ATG10: variants seen among roughly 807,000 people sequenced by gnomAD.
ATG10 encodes autophagy related 10.
ATG10 carries 30 observed loss-of-function variants against 32.1 expected under a neutral mutation model. The ratio of observed to expected loss-of-function variants is 0.94; its 90% CI spans 0.70 to 1.27. The LOEUF (loss-of-function observed/expected upper bound fraction) is 1.27, where lower values mean the gene tolerates loss of function less well. ATG10 is among the 50% of genes most tolerant of loss of function. The pLI is 0.00. For synonymous variants in ATG10, 87 were observed against 91.5 expected (o/e 0.95, Z 0.28); for missense variants, 233 against 262.3 (o/e 0.89, Z 0.77).
At position 82,050,503 on chromosome 5, in the gene ATG10, C is replaced by G. The variant is rs987970421; in HGVS notation, c.109-7992C>G. ...TATTCAGTAACTATAATTTAGTCCT[C>G]TGTGCTTTGTTTATAGGTTGATTCG... On this transcript the variant is annotated intron_variant, in intron 2 of 7. Coordinates refer to ENST00000282185, the MANE Select transcript of ATG10 (RefSeq NM_031482.5). 2.6e-5 allele frequency among the ~76,000 whole-genome samples: 4 copies of G among 151,924 alleles called. No individual in the cohort carries two copies. In the East Asian group the frequency reaches 7.7e-4, roughly 29 times the overall value.
chr5:82,010,141 T>C (rs1762090597), intron 2 of ATG10: 1 of 1,409,310 alleles, frequency 7.1e-7, no homozygotes, highest in Non-Finnish European at 1.0e-6. Flanking sequence ...GCAAAGCCGC[T>C]TTCTTATATT....
At chr5:81,973,369 C>A (rs893397759) in intron 1 of ATG10, 35 of 152,168 alleles carry the variant, frequency 2.3e-4, no homozygotes, top group African/African-American at 8.2e-4. Context: ...ATTTTGTGAT[C>A]CGCCTGCCTC....
chr5:82,125,142 T>C (rs971602659), intron 3 of ATG10, among the ~76,000 whole-genome samples: 16 of 152,234 alleles, frequency 1.1e-4, no homozygotes, highest in Non-Finnish European at 2.4e-4. Context: ...GGATTGTTTT[T>C]TTCTTGTAAA....
intron 3 of ATG10, among the ~76,000 whole-genome samples, chr5:82,120,658 T>C (rs1028137904): frequency 2.0e-5 from 3 of 147,072 alleles, no homozygotes; most frequent in Non-Finnish European, 4.4e-5. Context: ...TACTTTTTTC[T>C]GTTTTTTTTT....
chr5:82,242,690 C>A, intron 5 of ATG10: 3 of 329,358 alleles, frequency 9.1e-6, no homozygotes, highest in Non-Finnish European at 1.8e-5. Context: ...AATCCAAGTG[C>A]TAAAAAAAAT....
At chr5:82,027,364 A>C (rs1380044902) in intron 2 of ATG10, among the ~76,000 whole-genome samples, 3 of 152,138 alleles carry the variant, frequency 2.0e-5, no homozygotes, top group East Asian at 3.8e-4. Flanking sequence ...GCGCCGCTGC[A>C]CTCTAGCTGG....
chr5:81,994,368 A>T (rs1761599912), intron 2 of ATG10, among the ~76,000 whole-genome samples: 1 of 152,224 alleles, frequency 6.6e-6, no homozygotes, highest in Admixed American at 6.5e-5. Context: ...TTGAAGAATA[A>T]GTAAGTAAAC....
At chr5:82,009,991 T>A (rs1192667513) in intron 2 of ATG10, 1 of 1,611,224 alleles carries the variant, frequency 6.2e-7, no homozygotes, top group African/African-American at 1.3e-5. Context: ...GCATGAAAAT[T>A]TTCTGCTGTC....
chr5:82,100,154 G>T (rs1316187633), intron 3 of ATG10, among the ~76,000 whole-genome samples: 1 of 151,392 alleles, frequency 6.6e-6, no homozygotes, highest in African/African-American at 2.4e-5. Context: ...GATTACAGGT[G>T]CCTGCCACCA....
At chr5:82,072,473 G>T (rs756908375) in intron 3 of ATG10, among the ~76,000 whole-genome samples, 2 of 152,034 alleles carry the variant, frequency 1.3e-5, no homozygotes, top group Non-Finnish European at 2.9e-5. Context: ...ACTTTCCCAG[G>T]GGATGATTTT....
At chr5:82,110,413 C>T (rs1765580658) in intron 3 of ATG10, among the ~76,000 whole-genome samples, 1 of 152,184 alleles carries the variant, frequency 6.6e-6, no homozygotes, top group African/African-American at 2.4e-5. Context: ...TACAGTCCCA[C>T]CACCAGTGTA....
At chr5:82,139,948 A>C (rs1561321175) in intron 3 of ATG10, among the ~76,000 whole-genome samples, 1 of 122,298 alleles carries the variant, frequency 8.2e-6, no homozygotes, top group Non-Finnish European at 1.8e-5. Context: ...TGGGGGGGTC[A>C]GCCCTCCGCC....
At chr5:82,139,604 G>A (rs1472980885) in intron 3 of ATG10, among the ~76,000 whole-genome samples, 12 of 140,968 alleles carry the variant, frequency 8.5e-5, no homozygotes, top group African/African-American at 1.3e-4. Context: ...CTCTCCGCCC[G>A]GCAGCCACCC....
intron 2 of ATG10, among the ~76,000 whole-genome samples, chr5:82,004,602 GT>G (rs1761938908): frequency 6.6e-6 from 1 of 152,140 alleles, no homozygotes. Context: ...TTTTGTTTTT[GT>G]TGTTTGTTTG....
intron 3 of ATG10, among the ~76,000 whole-genome samples, chr5:82,082,115 A>T (rs955305300): frequency 1.3e-5 from 2 of 152,036 alleles, no homozygotes; most frequent in Non-Finnish European, 2.9e-5. Context: ...CCCATGACAC[A>T]TGGGAATTGT....
At chr5:82,021,334 C>T (rs1007612535) in intron 2 of ATG10, among the ~76,000 whole-genome samples, 1 of 152,118 alleles carries the variant, frequency 6.6e-6, no homozygotes, top group Non-Finnish European at 1.5e-5. Context: ...AGTCATCCCT[C>T]AGTATCCCTG....
At chr5:82,188,907 C>T (rs1310458086) in intron 5 of ATG10, among the ~76,000 whole-genome samples, 1 of 152,080 alleles carries the variant, frequency 6.6e-6, no homozygotes, top group Non-Finnish European at 1.5e-5. Flanking sequence ...AACTTCTCTT[C>T]TCACTTGTCA....
chr5:82,202,942 T>TG (rs1745126505), intron 5 of ATG10, among the ~76,000 whole-genome samples: 1 of 151,956 alleles, frequency 6.6e-6, no homozygotes, highest in African/African-American at 2.4e-5. Context: ...AAAGAAGTAA[T>TG]GGGGGGCTGG....
intron 3 of ATG10, among the ~76,000 whole-genome samples, chr5:82,071,048 T>G (rs1435250752): frequency 6.6e-6 from 1 of 152,156 alleles, no homozygotes. Flanking sequence ...ATATTTTTTA[T>G]TCCCCCCTTT....
Sources: gnomAD v4.1 joint callset for allele counts (sites outside exome capture counted in the v4.1 genomes callset) on GRCh38, gnomAD v4.1.1 for gene constraint, MANE v1.5 for transcripts, NCBI Gene and HGNC (gene_info 2026-07-23, HGNC 2026-07-21) for gene names.